Variants in GBF1 observed in about 807,000 individuals in gnomAD.
GBF1 encodes the protein Golgi-specific brefeldin A-resistance guanine nucleotide exchange factor 1.
A neutral mutation model predicts 210.5 loss-of-function variants in GBF1; 114 were observed. That is an observed-to-expected ratio of 0.54 (90% CI 0.47 to 0.63). GBF1 has a LOEUF of 0.63. Ranked by LOEUF, GBF1 falls within the 30% of genes least tolerant of loss-of-function variation. The pLI is 0.00. For missense variants in GBF1, 1,851 were observed against 2,357.7 expected (o/e 0.79, Z 4.45); for synonymous variants, 850 against 889.2 (o/e 0.96, Z 0.78).
intron 3 of GBF1, among the ~76,000 whole-genome samples, chr10:102,261,961 T>C (rs1219131742): frequency 6.6e-6 from 1 of 152,172 alleles, no homozygotes; most frequent in African/African-American, 2.4e-5. Context: ...CTCAGCTCAC[T>C]GTAACTTCTG....
intron 3 of GBF1, among the ~76,000 whole-genome samples, chr10:102,326,366 C>T (rs951808448): frequency 2.6e-5 from 4 of 152,136 alleles, no homozygotes; most frequent in African/African-American, 9.7e-5. Context: ...AAAGGTTGCC[C>T]AAGGGGCACT....
At chr10:102,333,360 G>A (rs1478485024) in intron 3 of GBF1, among the ~76,000 whole-genome samples, 1 of 152,154 alleles carries the variant, frequency 6.6e-6, no homozygotes, top group African/African-American at 2.4e-5. Context: ...CATAGGTCTG[G>A]AAAACTTTGA....
At chr10:102,254,845 G>T (rs1379316496) in intron 1 of GBF1, among the ~76,000 whole-genome samples, 1 of 151,964 alleles carries the variant, frequency 6.6e-6, no homozygotes, top group African/African-American at 2.4e-5. Context: ...TGAGGTTTCT[G>T]CAGGCCTTTA....
intron 3 of GBF1, among the ~76,000 whole-genome samples, chr10:102,325,203 T>C (rs543186716): frequency 1.3e-5 from 2 of 152,290 alleles, no homozygotes; most frequent in East Asian, 3.9e-4. Flanking sequence ...TCACATGATA[T>C]GCAGAATCCC....
chr10:102,257,506 G>A (rs902624554), intron 1 of GBF1, among the ~76,000 whole-genome samples: 11 of 151,860 alleles, frequency 7.2e-5, no homozygotes, highest in African/African-American at 2.7e-4. Flanking sequence ...GGTAGAGACT[G>A]GGTCTCACTG....
intron 17 of GBF1, among the ~76,000 whole-genome samples, chr10:102,364,884 C>G (rs1198747923): frequency 6.6e-6 from 1 of 152,088 alleles, no homozygotes; most frequent in African/African-American, 2.4e-5. Flanking sequence ...CTTTCTTTCT[C>G]TTATTGCCAG....
intron 1 of GBF1, among the ~76,000 whole-genome samples, chr10:102,256,340 C>G (rs1341912950): frequency 6.6e-6 from 1 of 152,000 alleles, no homozygotes; most frequent in Non-Finnish European, 1.5e-5. Context: ...GCAAAATATG[C>G]AAATTGAGCT....
At chr10:102,293,594 G>A (rs961419426) in intron 3 of GBF1, among the ~76,000 whole-genome samples, 1 of 152,040 alleles carries the variant, frequency 6.6e-6, no homozygotes, top group East Asian at 1.9e-4. Context: ...CTGTGGAGGT[G>A]GAAACCAGTG....
chr10:102,325,759 C>T (rs1262651630), intron 3 of GBF1, among the ~76,000 whole-genome samples: 4 of 151,944 alleles, frequency 2.6e-5, no homozygotes, highest in Admixed American at 6.6e-5. Context: ...AAGCGATTCT[C>T]GTGCCTCAGC....
chr10:102,380,559 G>A lies in GBF1; in HGVS notation c.5046G>A (p.Ala1682=), dbSNP rs137857537. The change falls in exon 38 of 40, where the codon GCG becomes GCA. Residue 1682 remains alanine, a synonymous_variant. Transcript: ENST00000369983. The part of the protein sequence containing the change: ...LKNMLLVMDT[A]EIFHSADARG... ...ACATGCTTCTGGTGATGGACACAGC[G>A]GAGATTTTCCACAGTGCAGATGCAC... 1.2e-4 allele frequency: 195 copies of A among 1,614,040 alleles called. No individual in the cohort carries two copies. The African/African-American group carries it at 1.5e-3, about 13-fold the overall frequency.
At chr10:102,310,641 A>G (rs1003389132) in intron 3 of GBF1, among the ~76,000 whole-genome samples, 4 of 152,184 alleles carry the variant, frequency 2.6e-5, no homozygotes, top group South Asian at 4.1e-4. Context: ...TTTGTGGCCT[A>G]TACACCAAGA....
chr10:102,238,067 C>T, the GBF1 span, among the ~76,000 whole-genome samples: 16 of 152,108 alleles, frequency 1.1e-4, no homozygotes, highest in East Asian at 5.8e-4. Context: ...AAAAAGGCCC[C>T]GGGGCAGGAC....
In GBF1 at chr10:102,259,524, T is replaced by G. The variant is rs997591434; in HGVS notation, c.96+490T>G. 2.6e-5 allele frequency among the ~76,000 whole-genome samples: 4 copies of G among 152,314 alleles called. No individual in the cohort carries two copies. In the South Asian group the frequency reaches 8.3e-4, roughly 32 times the overall value. ...TATACAGTTGGCTTTCTTTGCTATA[T>G]ATGTTTGAGGACTTTTTTTTGTAGA... On this transcript the variant is annotated intron_variant, in intron 2 of 39. Transcript: ENST00000369983.
intron 3 of GBF1, among the ~76,000 whole-genome samples, chr10:102,324,975 T>G (rs2056765628): frequency 6.6e-6 from 1 of 152,198 alleles, no homozygotes; most frequent in Non-Finnish European, 1.5e-5. Flanking sequence ...TGAGTTGATG[T>G]GTATAAGGTG....
In GBF1 at chr10:102,379,586, C is replaced by T. The variant is rs774841891; in HGVS notation, c.4711C>T (p.Arg1571Ter). Residue 1571 changes from arginine (R) to a stop codon, truncating the protein, a stop_gained, in exon 35 of 40, where the codon CGA becomes TGA. Transcript: ENST00000369983. LOFTEE classifies it high-confidence loss of function. ...GATGCAGGCACTGACCTATCTGCAG[C>T]GAGCACTACTTGTACATGATCTGCA... ...VRMQALTYLQ[R>*]ALLVHDLQKL... 2.5e-6 allele frequency: 4 copies of T among 1,614,072 alleles called. No homozygotes were observed. The highest frequency in any genetic ancestry group is 2.2e-5 in the East Asian group (1 of 44,878).
chr10:102,249,957 T>A (rs1165268942), intron 1 of GBF1, among the ~76,000 whole-genome samples: 1 of 152,192 alleles, frequency 6.6e-6, no homozygotes, highest in African/African-American at 2.4e-5. Flanking sequence ...CCCAAAGTGC[T>A]GGGATTATAG....
chr10:102,234,618 T>A, the GBF1 span, among the ~76,000 whole-genome samples: 1 of 151,964 alleles, frequency 6.6e-6, no homozygotes. Context: ...GAAAAAGGGG[T>A]GCTCTGAAGT....
intron 29 of GBF1, among the ~76,000 whole-genome samples, chr10:102,372,856 G>T (rs894576562): frequency 2.0e-5 from 3 of 152,172 alleles, no homozygotes; most frequent in East Asian, 1.9e-4. Context: ...GCTAAGCAAA[G>T]AATTTTTAGC....
intron 3 of GBF1, among the ~76,000 whole-genome samples, chr10:102,334,813 C>A (rs1188419587): frequency 8.6e-5 from 13 of 151,322 alleles, no homozygotes; most frequent in African/African-American, 3.2e-4. Flanking sequence ...TGCACCATTG[C>A]ACTCCAGGCT....
Sources: gnomAD v4.1 joint callset for allele counts (sites outside exome capture counted in the v4.1 genomes callset) on GRCh38, gnomAD v4.1.1 for gene constraint, MANE v1.5 for transcripts, NCBI Gene and HGNC (gene_info 2026-07-23, HGNC 2026-07-21) for gene names.